PGAP6: variants seen among roughly 807,000 people sequenced by gnomAD.
PGAP6 encodes the protein post-GPI attachment to proteins factor 6.
A neutral mutation model predicts 68.4 loss-of-function variants in PGAP6; 62 were observed. That is an observed-to-expected ratio of 0.91 (90% CI 0.74 to 1.12). PGAP6 has a LOEUF of 1.12. Among genes scored for constraint, PGAP6 ranks in the 50% most tolerant of loss-of-function variants. PGAP6 has a pLI of 0.00. For missense variants in PGAP6, 1,188 were observed against 1,068.5 expected, an observed-to-expected ratio of 1.11 and a Z score of -1.56; for synonymous variants, 575 against 474.0, an observed-to-expected ratio of 1.21 and a Z score of -2.77.
chr16:379,197 G>A (rs2054418028), intron 1 of PGAP6, among the ~76,000 whole-genome samples: 1 of 152,204 alleles, frequency 6.6e-6, no homozygotes, highest in South Asian at 2.1e-4. Context: ...ACACTCAGGA[G>A]CGCTGCCTAG....
upstream of PGAP6, among the ~76,000 whole-genome samples, chr16:382,633 G>C (rs915526091): frequency 6.6e-6 from 1 of 151,920 alleles, no homozygotes; most frequent in African/African-American, 2.4e-5. Context: ...GATTTGAGCC[G>C]AAAAAAGGAA....
rs371665043 is a variant in PGAP6, at chr16:377,751, G to A, written c.219C>T (p.Pro73=). 5.0e-6 allele frequency: 8 copies of A among 1,595,304 alleles called. No individual in the cohort carries two copies. The highest frequency in any genetic ancestry group is 1.7e-4 in the Middle Eastern group (1 of 6,030). ...GSARLFRFRV[P]PDAVLLRWLL... ...GCCAGCGTAGAAGCACAGCATCTGG[G>A]GGCACGCGGAAGCGGAAGAGCCTGG... Residue 73 remains proline, a synonymous_variant, in exon 2 of 13, where the codon CCC becomes CCT. Coordinates refer to ENST00000431232, the MANE Select transcript of PGAP6 (RefSeq NM_021259.3).
chr16:386,918 G>A (rs1007560011), upstream of PGAP6: 16 of 600,496 alleles, frequency 2.7e-5, no homozygotes, highest in Non-Finnish European at 5.1e-5. Context: ...CCAAGACACT[G>A]CGACGCCGGA....
In PGAP6 at chr16:377,112, C is replaced by T. The variant is rs527938113; in HGVS notation, c.560G>A (p.Arg187Gln). 7 of 1,613,636 alleles carry T rather than the reference C, an allele frequency of 4.3e-6. No individual in the cohort carries two copies. The highest frequency in any genetic ancestry group is 4.0e-5 in the African/African-American group (3 of 75,052). The change falls in exon 4 of 13, where the codon CGG becomes CAG. Residue 187 changes from arginine (R) to glutamine (Q), a missense_variant. Arg to Gln is a conservative substitution (Grantham distance 43). Coordinates refer to ENST00000431232, the MANE Select transcript of PGAP6 (RefSeq NM_021259.3). ...YVFQPELLVT[R>Q]VVEISIMEPD... ...CTCCATGATGGAAATCTCGACCACC[C>T]GCGTGACCAGCAGTTCAGGCTGGAA...
At chr16:382,042 A>ACCGGGGGTGGCGCGGACG, upstream of PGAP6, 1 of 566,862 alleles carries the variant, frequency 1.8e-6, no homozygotes, top group Non-Finnish European at 2.3e-6. Context: ...GGGGGGCGGG[A>ACCGGGGGTGGCGCGGACG]CCGGGGGGGG....
In PGAP6 at chr16:378,260, G is replaced by A. The variant is rs79817840; in HGVS notation, c.122-412C>T. ...GCCACCCGCACTGCCATCCCCACCC[G>A]CACTGCCATCCCCACCCACACTGCC... On this transcript the variant is annotated intron_variant, in intron 1 of 12. Transcript: ENST00000431232. Among the ~76,000 whole-genome samples, 137 of 72,664 alleles carry A rather than the reference G, an allele frequency of 1.9e-3. 3 individuals are homozygous for A. The highest frequency in any genetic ancestry group is 2.8e-3 in the Non-Finnish European group (102 of 36,790). The allele number at this position is 72,664 out of a possible 152,430, so 47.7% of individuals were successfully genotyped here. A position where few individuals can be genotyped will look rare whatever the true frequency, so the allele number is the denominator to read the frequency against.
Position 381,945 on chromosome 16 carries a change from C to T in PGAP6, c.-124G>A. ...CGCCTCTGCCCCCGGCGCCCATGGC[C>T]CGGCCGGTCCCCGCCGCCGTCGCCC... is the stretch of plus-strand genomic sequence containing the variant. On this transcript the variant is annotated 5_prime_UTR_variant, in exon 1 of 13. Coordinates refer to ENST00000431232, the MANE Select transcript of PGAP6 (RefSeq NM_021259.3). 1 of 973,184 alleles carries T rather than the reference C, an allele frequency of 1.0e-6. No individual in the cohort carries two copies. The highest frequency in any genetic ancestry group is 1.8e-5 in the African/African-American group (1 of 56,492). The allele number at this position is 973,184 out of a possible 1,614,324, so 60.3% of individuals were successfully genotyped here.
chr16:376,181 GC>G lies in PGAP6; in HGVS notation c.1178del (p.Gly393AlafsTer25). Reference protein sequence around the residue: ...PSVMRLRLNTGMDSGGSLTIS... With the variant: ...PSVMRLRLNTXMDSGGSLTIS... ...TGGTGAGGGAACCCCCGCTGTCCATGCCGGTGTTCAGGCGCAGCCGCATCAC... is the reference window on the plus strand; with the variant it reads ...TGGTGAGGGAACCCCCGCTGTCCATGCGGTGTTCAGGCGCAGCCGCATCAC... On this transcript the variant is annotated frameshift_variant, in exon 6 of 13. Transcript: ENST00000431232. LOFTEE classifies it high-confidence loss of function. 1 of 1,612,020 alleles carries G rather than the reference GC, an allele frequency of 6.2e-7. No homozygotes were observed. Among genetic ancestry groups the G allele is most frequent in the Non-Finnish European group, 8.5e-7 (1 of 1,179,600 alleles).
chr16:375,568 T>C, intron 6 of PGAP6, 133 bp from the exon 7 acceptor site: 1 of 740,336 alleles, frequency 1.4e-6, no homozygotes, highest in Non-Finnish European at 2.2e-6. Context: ...AGTCTTGCTC[T>C]GTCGCCCAGG....
intron 1 of PGAP6, among the ~76,000 whole-genome samples, chr16:381,191 G>T (rs1006587545): frequency 1.3e-5 from 2 of 152,240 alleles, no homozygotes; most frequent in African/African-American, 2.4e-5. Flanking sequence ...CCCAGAAGCC[G>T]GGCCGGCGGC....
chr16:380,515 C>A (rs1254716845), intron 1 of PGAP6, among the ~76,000 whole-genome samples: 1 of 152,030 alleles, frequency 6.6e-6, no homozygotes, highest in Non-Finnish European at 1.5e-5. Flanking sequence ...TACAGGCATG[C>A]GCCACCACTG....
At chr16:382,057 G>A (rs2054446280), upstream of PGAP6, 2 of 470,378 alleles carry the variant, frequency 4.3e-6, no homozygotes, top group African/African-American at 2.2e-5. Context: ...GGGGGGCGCG[G>A]ACGCCGGGGG....
At position 376,149 on chromosome 16, in the gene PGAP6, A is replaced by G; in HGVS notation, c.1211T>C (p.Leu404Pro). The change falls in exon 6 of 13, where the codon CTG becomes CCG. Residue 404 changes from leucine to proline, a missense_variant. Coordinates refer to ENST00000431232, the MANE Select transcript of PGAP6 (RefSeq NM_021259.3). Reference sequence around the variant, plus strand: ...GACAGCAGGTACCTTGTTGGCCCGCAGGGAGATGGTGAGGGAACCCCCGCT... The same window carrying G: ...GACAGCAGGTACCTTGTTGGCCCGCGGGGAGATGGTGAGGGAACCCCCGCT... ...MDSGGSLTIS[L>P]RANKTEMRNE... 6.2e-7 allele frequency: 1 copy of G among 1,603,664 alleles called. No homozygotes were observed. The highest frequency in any genetic ancestry group is 1.1e-5 in the South Asian group (1 of 90,882).
chr16:383,319 C>G (rs1366211418), upstream of PGAP6: 1 of 152,224 alleles, frequency 6.6e-6, no homozygotes, highest in Non-Finnish European at 1.5e-5. Flanking sequence ...ACACTGCTTG[C>G]AGCAGGCAGA....
At chr16:382,311 C>T (rs1597167957), upstream of PGAP6, 2 of 390,726 alleles carry the variant, frequency 5.1e-6, no homozygotes, top group Non-Finnish European at 9.1e-6. Flanking sequence ...CGGCCGGGAC[C>T]TCCGTGGCAG....
At chr16:373,855 G>T in intron 11 of PGAP6, 150 bp downstream of exon 11, 1 of 1,002,370 alleles carries the variant, frequency 1.0e-6, no homozygotes, top group Non-Finnish European at 1.4e-6. Context: ...GGGATTACAG[G>T]TGTGAGCCAC....
chr16:382,491 C>T (rs1402057760), upstream of PGAP6: 1 of 368,556 alleles, frequency 2.7e-6, no homozygotes, highest in Non-Finnish European at 4.8e-6. Context: ...CGTGTCAGAT[C>T]CACGCTTTTA....
At chr16:372,327 G>T in intron 12 of PGAP6, 44 bp from the exon 13 acceptor site, 2 of 1,563,744 alleles carry the variant, frequency 1.3e-6, no homozygotes, top group South Asian at 1.1e-5. Flanking sequence ...GTGGGGCCGC[G>T]GCTGCAGCTC....
intron 3 of PGAP6, 26 bp from the exon 4 acceptor site, chr16:377,190 G>A (rs374914274): frequency 6.2e-7 from 1 of 1,612,444 alleles, no homozygotes; most frequent in South Asian, 1.1e-5. Flanking sequence ...GTGTGGGCGG[G>A]GGCGGTGTCA....
Sources: gnomAD v4.1 joint callset for allele counts (sites outside exome capture counted in the v4.1 genomes callset) on GRCh38, gnomAD v4.1.1 for gene constraint, MANE v1.5 for transcripts, NCBI Gene and HGNC (gene_info 2026-07-23, HGNC 2026-07-21) for gene names.